CLASP1: variants seen among roughly 807,000 people sequenced by gnomAD.
CLASP1 encodes the protein CLIP-associating protein 1.
In CLASP1, 38 loss-of-function variants were observed where a neutral mutation model predicts 192.3. That is an observed-to-expected ratio of 0.20 (90% CI 0.15 to 0.26). CLASP1 has a LOEUF of 0.26. Ranked by LOEUF, CLASP1 falls within the 10% of genes least tolerant of loss-of-function variation. The probability of loss-of-function intolerance (pLI) is 1.00; values close to 1 mark genes in which losing one functional copy is unlikely to be tolerated. For synonymous variants in CLASP1, 691 were observed against 712.8 expected (o/e 0.97, Z 0.49); for missense variants, 1,433 against 1,932.5 (o/e 0.74, Z 4.85).
Position 121,496,313 on chromosome 2 carries a change from G to C in CLASP1, c.712+6854C>G, listed in dbSNP as rs113627787. On this transcript the variant is annotated intron_variant, in intron 8 of 39. Transcript: ENST00000263710. Reference sequence around the variant, plus strand: ...TAGGAAGCCGCTCTGTGGACATGCAGTGCTAACCAACCAAGGCAGCCATCA... The same window carrying C: ...TAGGAAGCCGCTCTGTGGACATGCACTGCTAACCAACCAAGGCAGCCATCA... 6.7e-3 allele frequency among the ~76,000 whole-genome samples: 1,023 copies of C among 152,262 alleles called. 12 individuals are homozygous for C. The highest frequency in any genetic ancestry group is 0.024 in the African/African-American group (977 of 41,536).
intron 1 of CLASP1, among the ~76,000 whole-genome samples, chr2:121,633,064 G>A (rs2070103155): frequency 7.0e-6 from 1 of 143,142 alleles, no homozygotes; most frequent in African/African-American, 2.7e-5. Context: ...TAACATTGGT[G>A]ACTCCAGGGA....
At chr2:121,399,165 A>T (rs1257130439) in intron 28 of CLASP1, among the ~76,000 whole-genome samples, 1 of 152,256 alleles carries the variant, frequency 6.6e-6, no homozygotes, top group Non-Finnish European at 1.5e-5. Context: ...AAAATAAAGA[A>T]GTAGGTTTGA....
chr2:121,509,622 G>T lies in CLASP1; in HGVS notation c.644+6043C>A, dbSNP rs139464779. Among the ~76,000 whole-genome samples, 11 of 152,302 alleles carry T rather than the reference G, an allele frequency of 7.2e-5. No individual in the cohort carries two copies. In the East Asian group the frequency reaches 2.1e-3, roughly 29 times the overall value. The stretch of plus-strand genomic sequence containing the variant: ...GGACGCTGAGGCAGGTGGAACACAC[G>T]AGGGCAGAAGTTTGAGATCATCCTG... On this transcript the variant is annotated intron_variant, in intron 7 of 39. Coordinates refer to ENST00000263710, the Ensembl canonical transcript of CLASP1.
chr2:121,344,846 T>C (rs181422433), intron 39 of CLASP1, among the ~76,000 whole-genome samples: 87 of 152,144 alleles, frequency 5.7e-4, no homozygotes, highest in African/African-American at 2.0e-3. Flanking sequence ...CATATGAACA[T>C]ACCAGAGCTA....
intron 2 of CLASP1, among the ~76,000 whole-genome samples, chr2:121,581,195 G>A (rs2061094521): frequency 2.0e-5 from 3 of 150,316 alleles, no homozygotes; most frequent in South Asian, 4.2e-4. Flanking sequence ...GCAGAGCAAA[G>A]GATCCCAGGA....
At chr2:121,454,807 T>C (rs1016048632) in intron 14 of CLASP1, among the ~76,000 whole-genome samples, 1 of 152,228 alleles carries the variant, frequency 6.6e-6, no homozygotes, top group African/African-American at 2.4e-5. Context: ...AAACACATTC[T>C]GAATTTCTCT....
At chr2:121,368,441 T>A (rs551591288) in intron 34 of CLASP1, among the ~76,000 whole-genome samples, 1 of 152,146 alleles carries the variant, frequency 6.6e-6, no homozygotes, top group Non-Finnish European at 1.5e-5. Context: ...CTTTAGTATT[T>A]CCCAAATTTT....
At chr2:121,399,756 A>T (rs2075867482) in intron 28 of CLASP1, among the ~76,000 whole-genome samples, 1 of 152,212 alleles carries the variant, frequency 6.6e-6, no homozygotes, top group Non-Finnish European at 1.5e-5. Flanking sequence ...TTCCTTAATC[A>T]CCAAAGTTTA....
chr2:121,526,514 G>C lies in CLASP1; in HGVS notation c.471-594C>G, dbSNP rs554492220. 2.6e-4 allele frequency among the ~76,000 whole-genome samples: 40 copies of C among 152,058 alleles called. 1 individual carries two copies. The East Asian group carries it at 7.7e-3, about 29-fold the overall frequency. On this transcript the variant is annotated intron_variant, in intron 5 of 39. Coordinates refer to ENST00000263710, the Ensembl canonical transcript of CLASP1. Reference sequence around the variant, plus strand: ...CTTGGTTAATCTGCCTACTACCTTAGCATACATTCCTAAAACTGGAGCTAC... The same window carrying C: ...CTTGGTTAATCTGCCTACTACCTTACCATACATTCCTAAAACTGGAGCTAC...
chr2:121,508,828 A>C (rs984160371), intron 7 of CLASP1, among the ~76,000 whole-genome samples: 2 of 152,198 alleles, frequency 1.3e-5, no homozygotes, highest in African/African-American at 4.8e-5. Context: ...CACAAAAGAG[A>C]GCTAGAATGG....
chr2:121,417,212 T>C (rs2078746059), intron 23 of CLASP1, among the ~76,000 whole-genome samples: 4 of 152,082 alleles, frequency 2.6e-5, no homozygotes, highest in Admixed American at 2.6e-4. Context: ...TCAATTAGGA[T>C]CTCAAGAATT....
chr2:121,337,949 CCCCCCAAAAAAA>C (rs1334966840), exon 40 of CLASP1: 1 of 151,796 alleles, frequency 6.6e-6, no homozygotes, highest in Non-Finnish European at 1.5e-5. Context: ...AAAAGCCCCC[CCCCCCAAAAAAA>C]CCCAAAAAAC....
In CLASP1 at chr2:121,613,888, A is replaced by C. The variant is rs924167226; in HGVS notation, c.-285-7708T>G. ...ACGAGGTGGCTGGGCTCAGCTGGGA[A>C]GATCTTGTGCTAGTCTTTCCTGGGA... On this transcript the variant is annotated intron_variant, in intron 1 of 39. Transcript: ENST00000263710. Among the ~76,000 whole-genome samples the C allele has an allele frequency of 1.5e-4, 23 of 152,186 alleles. 1 individual carries two copies. The highest frequency in any genetic ancestry group is 1.5e-5 in the Non-Finnish European group (1 of 68,018).
intron 7 of CLASP1, among the ~76,000 whole-genome samples, chr2:121,507,314 CAGG>C (rs940852045): frequency 2.0e-5 from 3 of 151,972 alleles, no homozygotes; most frequent in Admixed American, 6.6e-5. Context: ...AAAAATTCAC[CAGG>C]AGGAGTTCAA....
chr2:121,439,566 C>G (rs573462077), intron 19 of CLASP1, among the ~76,000 whole-genome samples: 2 of 151,934 alleles, frequency 1.3e-5, no homozygotes, highest in Non-Finnish European at 2.9e-5. Context: ...TTATTTCTGC[C>G]TTCATTTCGT....
At position 121,569,238 on chromosome 2, in the gene CLASP1, A is replaced by C. The variant is rs1305511667; in HGVS notation, c.195+36463T>G. On this transcript the variant is annotated intron_variant, in intron 2 of 39. Transcript: ENST00000263710. ...AGGGTAGAGACTATTTTAGCTAGGG[A>C]CGTCACAGAAGGTTTCTAAACAGTG... Among the ~76,000 whole-genome samples, 3 of 152,316 alleles carry C rather than the reference A, an allele frequency of 2.0e-5. No homozygotes were observed. The East Asian group carries it at 5.8e-4, about 29-fold the overall frequency.
At chr2:121,450,427 G>A (rs1007678498) in intron 16 of CLASP1, among the ~76,000 whole-genome samples, 1 of 152,098 alleles carries the variant, frequency 6.6e-6, no homozygotes, top group African/African-American at 2.4e-5. Flanking sequence ...TACCTCACTT[G>A]TTGAGACAGA....
chr2:121,471,999 CCTAT>C (rs1349203936), intron 8 of CLASP1, among the ~76,000 whole-genome samples: 2 of 152,192 alleles, frequency 1.3e-5, no homozygotes, highest in Non-Finnish European at 1.5e-5. Flanking sequence ...TCTCACTCAG[CCTAT>C]CTGTCCTCTG....
intron 8 of CLASP1, among the ~76,000 whole-genome samples, chr2:121,478,848 CCACACACCACACCACA>C (rs1559368292): frequency 4.1e-3 from 109 of 26,380 alleles, no homozygotes; most frequent in Non-Finnish European, 7.5e-3. Context: ...CACACACACA[CCACACACCACACCACA>C]CACACACCAC....
Sources: allele counts gnomAD v4.1 joint callset (sites outside exome capture counted in the v4.1 genomes callset), GRCh38; gene constraint gnomAD v4.1.1; transcripts MANE v1.5; gene names NCBI Gene and HGNC (gene_info 2026-07-23, HGNC 2026-07-21).